Variants in RSRC1 observed in about 807,000 individuals in gnomAD.
The protein encoded by RSRC1 is arginine and serine rich coiled-coil 1, also known as serine/Arginine-related protein 53.
RSRC1 carries 39 observed loss-of-function variants against 49.1 expected under a neutral mutation model. The ratio of observed to expected loss-of-function variants is 0.79; its 90% CI spans 0.61 to 1.04. The LOEUF (loss-of-function observed/expected upper bound fraction) is 1.04, where lower values mean the gene tolerates loss of function less well. Ranked by LOEUF, RSRC1 falls within the 50% of genes least tolerant of loss-of-function variation. RSRC1 has a pLI of 0.00. For missense variants in RSRC1, 388 were observed against 402.4 expected, an observed-to-expected ratio of 0.96 and a Z score of 0.31; for synonymous variants, 143 against 130.8, an observed-to-expected ratio of 1.09 and a Z score of -0.63.
intron 3 of RSRC1, among the ~76,000 whole-genome samples, chr3:158,125,463 T>C (rs1295648748): frequency 6.6e-6 from 1 of 152,214 alleles, no homozygotes; most frequent in Non-Finnish European, 1.5e-5. Flanking sequence ...CTCTTATGAT[T>C]TCTTCTTTGG....
chr3:158,489,649 G>T (rs1365601560), intron 7 of RSRC1, among the ~76,000 whole-genome samples: 1 of 151,970 alleles, frequency 6.6e-6, no homozygotes, highest in Non-Finnish European at 1.5e-5. Context: ...AATTTAGTGT[G>T]ATGTATGTTA....
At chr3:158,391,782 A>G (rs1733313517) in intron 6 of RSRC1, among the ~76,000 whole-genome samples, 2 of 152,108 alleles carry the variant, frequency 1.3e-5, no homozygotes, top group African/African-American at 4.8e-5. Context: ...GTAAAAATAT[A>G]TTTTGTGGGT....
intron 3 of RSRC1, among the ~76,000 whole-genome samples, chr3:158,199,647 A>T (rs1720909082): frequency 6.6e-6 from 1 of 152,180 alleles, no homozygotes; most frequent in South Asian, 2.1e-4. Context: ...TAAACATTTA[A>T]AACTATAAAT....
At chr3:158,169,333 A>G (rs1718728594) in intron 3 of RSRC1, among the ~76,000 whole-genome samples, 1 of 152,152 alleles carries the variant, frequency 6.6e-6, no homozygotes, top group South Asian at 2.1e-4. Context: ...TCCTTTCACA[A>G]ATATTAATGA....
intron 7 of RSRC1, among the ~76,000 whole-genome samples, chr3:158,509,432 C>T (rs905757539): frequency 2.6e-5 from 4 of 152,104 alleles, no homozygotes; most frequent in Non-Finnish European, 4.4e-5. Flanking sequence ...GAATTTTATG[C>T]GTATTCTTCT....
At chr3:158,329,017 A>C (rs1351000099) in intron 5 of RSRC1, among the ~76,000 whole-genome samples, 1 of 152,136 alleles carries the variant, frequency 6.6e-6, no homozygotes, top group African/African-American at 2.4e-5. Context: ...CCTTTCTTCC[A>C]GTTGATCAAA....
At chr3:158,117,639 TTTTA>T (rs10537489) in intron 1 of RSRC1, among the ~76,000 whole-genome samples, 101,841 of 151,422 alleles carry the variant, frequency 0.67, 34,460 homozygotes, top group East Asian at 0.82. Flanking sequence ...TTTCTCCTGT[TTTTA>T]AAGACAGGAT....
intron 1 of RSRC1, among the ~76,000 whole-genome samples, chr3:158,120,640 T>C (rs1202231535): frequency 6.8e-6 from 1 of 147,152 alleles, no homozygotes; most frequent in Non-Finnish European, 1.5e-5. Context: ...ATGTTAAACA[T>C]ACTATACATA....
At chr3:158,328,601 A>C (rs1351978947) in intron 5 of RSRC1, among the ~76,000 whole-genome samples, 1 of 152,138 alleles carries the variant, frequency 6.6e-6, no homozygotes, top group Non-Finnish European at 1.5e-5. Context: ...CCGAGAGATC[A>C]GCTGTTAGTC....
At chr3:158,474,372 C>T (rs1033935720) in intron 7 of RSRC1, among the ~76,000 whole-genome samples, 1 of 152,146 alleles carries the variant, frequency 6.6e-6, no homozygotes, top group African/African-American at 2.4e-5. Flanking sequence ...TACTTCATTG[C>T]TAAAAAATGC....
intron 6 of RSRC1, among the ~76,000 whole-genome samples, chr3:158,368,757 G>A (rs1267545466): frequency 6.6e-6 from 1 of 152,148 alleles, no homozygotes; most frequent in South Asian, 2.1e-4. Flanking sequence ...GTAAAATTAT[G>A]TAATGAGTTG....
intron 3 of RSRC1, among the ~76,000 whole-genome samples, chr3:158,126,532 T>C (rs1436523037): frequency 2.0e-5 from 3 of 152,234 alleles, no homozygotes; most frequent in East Asian, 3.8e-4. Flanking sequence ...CATCTTATTG[T>C]ATCCATTAAT....
At chr3:158,262,600 T>C (rs1483666140) in intron 4 of RSRC1, among the ~76,000 whole-genome samples, 1 of 152,194 alleles carries the variant, frequency 6.6e-6, no homozygotes, top group Non-Finnish European at 1.5e-5. Context: ...CTATAAAATA[T>C]CCTGCTTTGA....
intron 6 of RSRC1, among the ~76,000 whole-genome samples, chr3:158,429,753 A>G (rs1415737586): frequency 9.3e-5 from 14 of 151,318 alleles, no homozygotes; most frequent in Admixed American, 1.3e-4. Flanking sequence ...ACTTGAGGAC[A>G]TTATGCCAAC....
chr3:158,217,237 C>A (rs1191309673), intron 4 of RSRC1, among the ~76,000 whole-genome samples: 2 of 151,646 alleles, frequency 1.3e-5, no homozygotes, highest in South Asian at 2.1e-4. Context: ...ATATGAGAAT[C>A]CTCTTCTCCA....
chr3:158,282,988 T>C (rs1002858911), intron 4 of RSRC1, among the ~76,000 whole-genome samples: 1 of 152,226 alleles, frequency 6.6e-6, no homozygotes, highest in African/African-American at 2.4e-5. Flanking sequence ...GAGTTCACCA[T>C]TTCTGTTTGC....
chr3:158,543,372 C>T lies in RSRC1; in HGVS notation c.797C>T (p.Thr266Ile), dbSNP rs1317868094. 1 of 1,594,890 alleles carries T rather than the reference C, an allele frequency of 6.3e-7. No individual in the cohort carries two copies. The highest frequency in any genetic ancestry group is 2.3e-5 in the East Asian group (1 of 43,746). ...EPSEVKQATS[T>I]SGPASAVADP... ...AGTGAAGTGAAACAAGCAACTTCAACATCAGGACCAGCATCAGCAGTTGCT... is the reference window on the plus strand; with the variant it reads ...AGTGAAGTGAAACAAGCAACTTCAATATCAGGACCAGCATCAGCAGTTGCT... The change falls in exon 9 of 10, where the codon ACA (threonine) becomes ATA (isoleucine). Residue 266 changes from threonine to isoleucine, a missense_variant. Thr to Ile is a moderately conservative substitution (Grantham distance 89). Coordinates refer to ENST00000611884, the MANE Select transcript of RSRC1 (RefSeq NM_001271838.2).
chr3:158,354,834 AT>A (rs368294453), intron 5 of RSRC1, 22 bp from the exon 6 acceptor site: 50,527 of 1,011,746 alleles, frequency 0.05, 93 homozygotes, highest in African/African-American at 0.078. Flanking sequence ...GTATGGTTGA[AT>A]TTTTTTTTTT....
At chr3:158,298,187 C>T in intron 5 of RSRC1, 112 bp downstream of exon 5, 1 of 806,804 alleles carries the variant, frequency 1.2e-6, no homozygotes, top group East Asian at 2.6e-5. Flanking sequence ...AACCATTTCC[C>T]AAAGGGTCAG....
Sources: allele counts gnomAD v4.1 joint callset (sites outside exome capture counted in the v4.1 genomes callset), GRCh38; gene constraint gnomAD v4.1.1; transcripts MANE v1.5; gene names NCBI Gene and HGNC (gene_info 2026-07-23, HGNC 2026-07-21).